EML6: variants seen among roughly 807,000 people sequenced by gnomAD.
The protein encoded by EML6 is EMAP like 6.
Under a neutral mutation model 240.1 loss-of-function variants are expected in EML6, and 154 were observed. The observed-to-expected ratio is 0.64, with a 90% confidence interval of 0.56 to 0.73. The LOEUF (loss-of-function observed/expected upper bound fraction) is 0.73, where lower values mean the gene tolerates loss of function less well. EML6 is among the 30% of genes least tolerant of loss of function. The pLI, the probability that EML6 is intolerant of heterozygous loss-of-function variation, is 0.00. For synonymous variants in EML6, 1,148 were observed against 899.0 expected, an observed-to-expected ratio of 1.28 and a Z score of -4.95; for missense variants, 2,964 against 2,474.6, an observed-to-expected ratio of 1.20 and a Z score of -4.20.
chr2:54,967,152 C>G (rs1486244410), intron 39 of EML6, 49 bp downstream of exon 39: 1 of 1,225,260 alleles, frequency 8.2e-7, no homozygotes, highest in Admixed American at 2.0e-5. Context: ...AAGGGAGTCT[C>G]TTGTCTCACT....
Position 54,895,355 on chromosome 2 carries a change from G to C in EML6, c.2937G>C (p.Glu979Asp). The C allele has an allele frequency of 6.4e-7, 1 of 1,552,006 alleles. No homozygotes were observed. The highest frequency in any genetic ancestry group is 8.7e-7 in the Non-Finnish European group (1 of 1,146,968). ...GHILVGTKNG[E>D]ILEIDKSGPM... is the part of the protein sequence containing the mutation. ...TCCTGGTGGGAACAAAAAATGGAGA[G>C]ATTCTGGAAATTGATAAGAGTGGCC... Residue 979 changes from glutamate to aspartate, a missense_variant, in exon 21 of 42, where the codon GAG becomes GAC. Transcript: ENST00000356458.
chr2:54,847,598 G>T lies in EML6; in HGVS notation c.1162G>T (p.Gly388Cys). The change falls in exon 9 of 42, where the codon GGC (glycine) becomes TGC (cysteine). Residue 388 changes from glycine (G) to cysteine (C), a missense_variant. Coordinates refer to ENST00000356458, the MANE Select transcript of EML6 (RefSeq NM_001039753.4). ...GSQLALGMKD[G>C]SFIVLRVRDM... ...TCAGCTGGCCCTGGGCATGAAGGAC[G>T]GCTCTTTCATTGTTCTCCGAGTCAG... 1 of 1,552,226 alleles carries T rather than the reference G, an allele frequency of 6.4e-7. No individual in the cohort carries two copies. Among genetic ancestry groups the T allele is most frequent in the Non-Finnish European group, 8.7e-7 (1 of 1,147,114 alleles).
At chr2:54,880,946 A>G (rs1671777731) in intron 17 of EML6, 1 of 152,202 alleles carries the variant, frequency 6.6e-6, no homozygotes, top group Admixed American at 6.5e-5. Context: ...ATAGAAATGG[A>G]AGAAAGAAAT....
intron 11 of EML6, among the ~76,000 whole-genome samples, 157 bp downstream of exon 11, chr2:54,854,012 A>T (rs1030014910): frequency 5.9e-5 from 9 of 152,178 alleles, no homozygotes; most frequent in Non-Finnish European, 1.2e-4. Flanking sequence ...GAATGTGTTG[A>T]TGTCTTCTAC....
In EML6 at chr2:54,895,679, G is replaced by T. The variant is rs1362060882; in HGVS notation, c.2982+279G>T. Among the ~76,000 whole-genome samples the T allele has an allele frequency of 2.6e-5, 4 of 152,208 alleles. No individual in the cohort carries two copies. The East Asian group carries it at 5.8e-4, about 22-fold the overall frequency. On this transcript the variant is annotated intron_variant, in intron 21 of 41. Transcript: ENST00000356458. The stretch of plus-strand genomic sequence containing the variant: ...TTATAAGGTTGCAATAAAGGCCAGG[G>T]TTATGGTCTCATCTGAGGCTAAACT...
intron 19 of EML6, among the ~76,000 whole-genome samples, chr2:54,892,943 C>T (rs182207856): frequency 1.3e-5 from 2 of 152,190 alleles, no homozygotes; most frequent in African/African-American, 2.4e-5. Context: ...TAAATGTGGA[C>T]ACTTAGCAGC....
intron 7 of EML6, among the ~76,000 whole-genome samples, chr2:54,843,844 CAA>C (rs34580151): frequency 0.44 from 47,975 of 108,572 alleles, 9,845 homozygotes; most frequent in South Asian, 0.56. Context: ...GACTCCATCT[CAA>C]AAAAAAAAAA....
chr2:54,959,936 C>G (rs1199604393), intron 34 of EML6, among the ~76,000 whole-genome samples: 2 of 152,156 alleles, frequency 1.3e-5, no homozygotes, highest in East Asian at 1.9e-4. Flanking sequence ...TTTCTGTGTT[C>G]TAATCTAATA....
chr2:54,833,797 T>A (rs985973318), intron 7 of EML6, among the ~76,000 whole-genome samples: 1 of 152,198 alleles, frequency 6.6e-6, no homozygotes, highest in Non-Finnish European at 1.5e-5. Context: ...CAAGATGATA[T>A]AAACCAACAA....
intron 28 of EML6, among the ~76,000 whole-genome samples, chr2:54,929,133 G>T (rs999124028): frequency 2.0e-5 from 3 of 152,184 alleles, no homozygotes; most frequent in Non-Finnish European, 4.4e-5. Context: ...GGTCATGGAG[G>T]AATGGCTGCA....
At chr2:54,836,546 C>T (rs568507059) in intron 7 of EML6, among the ~76,000 whole-genome samples, 5 of 152,284 alleles carry the variant, frequency 3.3e-5, no homozygotes, top group South Asian at 4.2e-4. Flanking sequence ...CCCAGCCCTG[C>T]GACTCTCCCA....
At chr2:54,889,234 C>T (rs1306496036) in intron 17 of EML6, among the ~76,000 whole-genome samples, 2 of 152,134 alleles carry the variant, frequency 1.3e-5, no homozygotes, top group African/African-American at 4.8e-5. Context: ...GAGCTACTCT[C>T]TGCACTCTGC....
At chr2:54,853,236 T>A (rs774992788) in intron 10 of EML6, among the ~76,000 whole-genome samples, 18 of 152,192 alleles carry the variant, frequency 1.2e-4, no homozygotes, top group African/African-American at 4.1e-4. Context: ...GTCATTTCAT[T>A]AATAATACAA....
chr2:54,725,021 CGGCGCGCGGGGGGGCGGGG>C lies in EML6; in HGVS notation c.-29_-11del. On this transcript the variant is annotated 5_prime_UTR_variant, in exon 2 of 42. Coordinates refer to ENST00000356458, the MANE Select transcript of EML6 (RefSeq NM_001039753.4). The surrounding 1 kb of genome is among the most constrained non-coding windows in gnomAD (Gnocchi z 4.3). ...GCCCCAGCCTCGGCGAGGACGGCCC[CGGCGCGCGGGGGGGCGGGG>C]GGCGCGCGGGGTCGGCTTATCATGG... The C allele has an allele frequency of 4.1e-6, 6 of 1,459,312 alleles. No homozygotes were observed. The highest frequency in any genetic ancestry group is 2.6e-5 in the Admixed American group (1 of 38,406). The allele number at this position is 1,459,312 out of a possible 1,614,324, so 90.4% of individuals were successfully genotyped here. A position where few individuals can be genotyped will look rare whatever the true frequency, so the allele number is the denominator to read the frequency against.
chr2:54,961,184 G>GTTGTTTTTTTTTTTTTGTTTTGTTTT, intron 35 of EML6, among the ~76,000 whole-genome samples: 4 of 55,420 alleles, frequency 7.2e-5, no homozygotes, highest in South Asian at 6.9e-4. Context: ...TCAGGAAGTA[G>GTTGTTTTTTTTTTTTTGTTTTGTTTT]TTTTTTTTTT....
chr2:54,839,632 C>T (rs1477300721), intron 7 of EML6, among the ~76,000 whole-genome samples: 1 of 152,214 alleles, frequency 6.6e-6, no homozygotes, highest in African/African-American at 2.4e-5. Context: ...TTGGTTAGTT[C>T]AGTGGAACCC....
intron 26 of EML6, among the ~76,000 whole-genome samples, chr2:54,923,364 A>AACACACAC (rs1553416829): frequency 6.6e-4 from 35 of 52,858 alleles, no homozygotes; most frequent in African/African-American, 2.5e-3. Flanking sequence ...GTCCTCACCA[A>AACACACAC]ACGCACACAC....
At chr2:54,827,934 A>G (rs551463537) in intron 6 of EML6, among the ~76,000 whole-genome samples, 183 bp downstream of exon 6, 62 of 152,342 alleles carry the variant, frequency 4.1e-4, no homozygotes, top group African/African-American at 1.2e-3. Flanking sequence ...AAAGCATACA[A>G]TGTAATTAGC....
intron 28 of EML6, among the ~76,000 whole-genome samples, chr2:54,936,903 G>A (rs956682218): frequency 4.6e-5 from 7 of 151,058 alleles, no homozygotes; most frequent in African/African-American, 9.7e-5. Context: ...TTTTCCTTCC[G>A]CAGTAGACTT....
Sources: gnomAD v4.1 joint callset for allele counts (sites outside exome capture counted in the v4.1 genomes callset) on GRCh38, gnomAD v4.1.1 for gene constraint, Gnocchi (gnomAD v3.1) non-coding constraint, MANE v1.5 for transcripts, NCBI Gene and HGNC (gene_info 2026-07-23, HGNC 2026-07-21) for gene names.